Variants in ACOX3 observed in about 807,000 individuals in gnomAD.
ACOX3 encodes the protein acyl-CoA oxidase 3, pristanoyl.
A neutral mutation model predicts 81.5 loss-of-function variants in ACOX3; 73 were observed. That is an observed-to-expected ratio of 0.90 (90% CI 0.74 to 1.09). The LOEUF is 1.09. ACOX3 is among the 50% of genes least tolerant of loss of function. The probability of loss-of-function intolerance (pLI) is 0.00; values close to 1 mark genes in which losing one functional copy is unlikely to be tolerated. For synonymous variants in ACOX3, 387 were observed against 375.1 expected (o/e 1.03, Z -0.37); for missense variants, 947 against 928.0 (o/e 1.02, Z -0.27).
intron 1 of ACOX3, among the ~76,000 whole-genome samples, chr4:8,427,731 C>A (rs1407157864): frequency 6.6e-6 from 1 of 152,214 alleles, no homozygotes; most frequent in African/African-American, 2.4e-5. Context: ...CCATTGGGAC[C>A]GGCCTGCCAC....
At chr4:8,396,866 C>T (rs766018017) in intron 9 of ACOX3, 71 bp downstream of exon 9, 12 of 1,540,912 alleles carry the variant, frequency 7.8e-6, no homozygotes, top group Non-Finnish European at 9.7e-6. Flanking sequence ...AACCAAACGG[C>T]AACTATGTAA....
chr4:8,399,398 G>A lies in ACOX3; in HGVS notation c.873+158C>T, dbSNP rs1720096193. Among the ~76,000 whole-genome samples, 1 of 152,170 alleles carries A rather than the reference G, an allele frequency of 6.6e-6. No homozygotes were observed. The highest frequency in any genetic ancestry group is 1.5e-5 in the Non-Finnish European group (1 of 68,038). ...GCTGCCCCAAGAGTCCCCTTCTAGC[G>A]GGAGCACCAGAACCCGAGCCAGGAG... On this transcript the variant is annotated intron_variant, in intron 8 of 17. Coordinates refer to ENST00000356406, the MANE Select transcript of ACOX3 (RefSeq NM_003501.3). This position sits in a 1 kb window ranked among gnomAD's most constrained non-coding sequence, Gnocchi z 4.9.
Position 8,397,102 on chromosome 4 carries a change from A to G in ACOX3, c.891T>C (p.Phe297=), listed in dbSNP as rs778843176. The part of the protein sequence containing the change: ...VSPFKDVRQR[F]GASLGSLSSG... ...AGGACAGGCTCCCCAGGGACGCTCC[A>G]AAGCGCTGCCTGACGTCCTACGGGA... Residue 297 remains phenylalanine, a synonymous_variant, in exon 9 of 18, where the codon TTT becomes TTC. Coordinates refer to ENST00000356406, the MANE Select transcript of ACOX3 (RefSeq NM_003501.3). 1 of 1,565,636 alleles carries G rather than the reference A, an allele frequency of 6.4e-7. No homozygotes were observed. Among genetic ancestry groups the G allele is most frequent in the South Asian group, 1.2e-5 (1 of 84,180 alleles).
At chr4:8,415,104 C>A (rs1323507796) in intron 3 of ACOX3, among the ~76,000 whole-genome samples, 176 bp from the exon 4 acceptor site, 2 of 152,232 alleles carry the variant, frequency 1.3e-5, no homozygotes, top group African/African-American at 4.8e-5. Flanking sequence ...CCTGGATGCC[C>A]AAGGCCAGGG....
At chr4:8,369,881 G>T (rs1333304053) in intron 17 of ACOX3, among the ~76,000 whole-genome samples, 3 of 152,226 alleles carry the variant, frequency 2.0e-5, no homozygotes, top group African/African-American at 7.2e-5. Context: ...CACAGCCAGG[G>T]GACCTCAGGC....
chr4:8,356,563 C>T, the ACOX3 span: 3,109 of 456,518 alleles, frequency 6.8e-3, 40 homozygotes, highest in Middle Eastern at 0.046. Context: ...GAAAGGAAAA[C>T]CACACACACG....
intron 1 of ACOX3, among the ~76,000 whole-genome samples, chr4:8,435,083 T>C (rs764790123): frequency 1.3e-5 from 2 of 152,198 alleles, no homozygotes; most frequent in Non-Finnish European, 2.9e-5. Flanking sequence ...AGGAAAGTCA[T>C]CTAATCATCA....
chr4:8,388,018 C>T (rs1328833507), intron 13 of ACOX3, among the ~76,000 whole-genome samples: 1 of 152,246 alleles, frequency 6.6e-6, no homozygotes, highest in African/African-American at 2.4e-5. Context: ...CACCCCTTTC[C>T]ACCAGGCCTC....
chr4:8,371,819 C>G (rs1383700677), intron 16 of ACOX3, among the ~76,000 whole-genome samples: 6 of 152,280 alleles, frequency 3.9e-5, no homozygotes, highest in African/African-American at 1.4e-4. Flanking sequence ...GCCCGACAAA[C>G]GTGTTCCGTA....
chr4:8,420,563 T>C (rs1174221891), intron 1 of ACOX3, among the ~76,000 whole-genome samples: 2 of 152,150 alleles, frequency 1.3e-5, no homozygotes, highest in Non-Finnish European at 2.9e-5. Context: ...ACCTATCCCC[T>C]GAGAGCACAG....
At chr4:8,436,868 T>G (rs1367783448) in intron 1 of ACOX3, among the ~76,000 whole-genome samples, 1 of 148,196 alleles carries the variant, frequency 6.7e-6, no homozygotes, top group Non-Finnish European at 1.5e-5. Context: ...GGCGGGTAGC[T>G]GTAGTCCCAG....
At chr4:8,357,169 T>C in the ACOX3 span, 12 of 456,616 alleles carry the variant, frequency 2.6e-5, no homozygotes, top group South Asian at 1.7e-4. Flanking sequence ...AGCAGAACGG[T>C]GCATGCTAAC....
intron 1 of ACOX3, among the ~76,000 whole-genome samples, chr4:8,425,638 G>A (rs1386911569): frequency 6.7e-6 from 1 of 149,074 alleles, no homozygotes; most frequent in Non-Finnish European, 1.5e-5. Context: ...TTACCCAGGA[G>A]AAGACTGGCA....
At chr4:8,434,702 T>C (rs532078741) in intron 1 of ACOX3, among the ~76,000 whole-genome samples, 1 of 152,394 alleles carries the variant, frequency 6.6e-6, no homozygotes, top group African/African-American at 2.4e-5. Context: ...CGTGGCCTGA[T>C]CACCCATGGC....
Position 8,389,530 on chromosome 4 carries a change from A to G in ACOX3, c.1423+82T>C. 6.3e-7 allele frequency: 1 copy of G among 1,589,468 alleles called. No individual in the cohort carries two copies. Among genetic ancestry groups the G allele is most frequent in the Non-Finnish European group, 8.6e-7 (1 of 1,163,848 alleles). The stretch of plus-strand genomic sequence containing the variant: ...CAAACCTAGGATGCATTCACAGAAC[A>G]GCTGAATCAGTGAGGCCAGGAGAAC... On this transcript the variant is annotated intron_variant, in intron 12 of 17. Coordinates refer to ENST00000356406, the MANE Select transcript of ACOX3 (RefSeq NM_003501.3). The surrounding 1 kb of genome is among the most constrained non-coding windows in gnomAD (Gnocchi z 5.3).
chr4:8,387,407 G>A (rs1718443751), intron 13 of ACOX3, among the ~76,000 whole-genome samples: 1 of 152,186 alleles, frequency 6.6e-6, no homozygotes, highest in South Asian at 2.1e-4. Flanking sequence ...ACTCTTCCAC[G>A]TCTCGGGTGT....
chr4:8,367,581 TTTC>T (rs1252904174), intron 17 of ACOX3, among the ~76,000 whole-genome samples: 1 of 152,038 alleles, frequency 6.6e-6, no homozygotes, highest in South Asian at 2.1e-4. Context: ...ATATGAATAT[TTTC>T]TTTTTTTTTC....
intron 7 of ACOX3, among the ~76,000 whole-genome samples, chr4:8,401,381 G>T (rs1720359758): frequency 6.6e-6 from 1 of 152,102 alleles, no homozygotes; most frequent in Non-Finnish European, 1.5e-5. Context: ...TTCCTGCGTG[G>T]GCTCTTCCTT....
chr4:8,434,029 C>G (rs1363055394), intron 1 of ACOX3, among the ~76,000 whole-genome samples: 1 of 149,628 alleles, frequency 6.7e-6, no homozygotes, highest in Non-Finnish European at 1.5e-5. Context: ...TTGGCACCAC[C>G]ACGTGGCCCT....
Sources: allele counts gnomAD v4.1 joint callset (sites outside exome capture counted in the v4.1 genomes callset), GRCh38; gene constraint gnomAD v4.1.1; non-coding constraint Gnocchi (gnomAD v3.1); transcripts MANE v1.5; gene names NCBI Gene and HGNC (gene_info 2026-07-23, HGNC 2026-07-21).